Variants in RIMS1 observed in about 807,000 individuals in gnomAD.
RIMS1 encodes regulating synaptic membrane exocytosis 1.
Under a neutral mutation model 214.1 loss-of-function variants are expected in RIMS1, and 83 were observed. The ratio of observed to expected loss-of-function variants is 0.39; its 90% confidence interval spans 0.32 to 0.47. The LOEUF (loss-of-function observed/expected upper bound fraction) is 0.47. Among genes scored for constraint, RIMS1 ranks in the 20% least tolerant of loss-of-function variants. RIMS1 has a pLI of 0.99. For missense variants in RIMS1, 2,050 were observed against 2,161.8 expected (o/e 0.95, Z 1.03); for synonymous variants, 793 against 786.8 (o/e 1.01, Z -0.13).
At chr6:72,076,108 G>C (rs1831787952) in intron 2 of RIMS1, among the ~76,000 whole-genome samples, 1 of 152,128 alleles carries the variant, frequency 6.6e-6, no homozygotes, top group South Asian at 2.1e-4. Context: ...ATTATGACTT[G>C]AGAGGATTTT....
At chr6:72,244,990 A>T (rs2068759011) in intron 10 of RIMS1, among the ~76,000 whole-genome samples, 1 of 151,966 alleles carries the variant, frequency 6.6e-6, no homozygotes, top group African/African-American at 2.4e-5. Flanking sequence ...TCTTAAATTG[A>T]TATTAAAACG....
chr6:72,390,772 C>G, intron 30 of RIMS1, 36 bp downstream of exon 30: 1 of 1,608,030 alleles, frequency 6.2e-7, no homozygotes, highest in Non-Finnish European at 8.5e-7. Flanking sequence ...GGCTGTGGAA[C>G]CAGGAATTGT....
chr6:71,897,163 G>T (rs991873112), intron 1 of RIMS1, among the ~76,000 whole-genome samples: 19 of 152,146 alleles, frequency 1.2e-4, no homozygotes, highest in Middle Eastern at 3.4e-3. Context: ...TAATCTTTTG[G>T]AATCTTTTAA....
chr6:72,322,101 C>G (rs968678364), intron 28 of RIMS1, among the ~76,000 whole-genome samples: 1 of 152,228 alleles, frequency 6.6e-6, no homozygotes, highest in East Asian at 1.9e-4. Flanking sequence ...AAAATAGTTG[C>G]TTACTTGTTC....
intron 28 of RIMS1, among the ~76,000 whole-genome samples, chr6:72,322,498 T>C (rs1000938356): frequency 6.6e-6 from 1 of 152,264 alleles, no homozygotes; most frequent in African/African-American, 2.4e-5. Context: ...TATTACATGG[T>C]CACAGTTCCC....
At chr6:72,005,124 G>A (rs1351620591) in intron 2 of RIMS1, among the ~76,000 whole-genome samples, 1 of 152,120 alleles carries the variant, frequency 6.6e-6, no homozygotes, top group East Asian at 1.9e-4. Context: ...TTATTAAATA[G>A]GGAATCCTTT....
chr6:71,907,822 A>G (rs959014257), intron 1 of RIMS1, among the ~76,000 whole-genome samples: 4 of 152,328 alleles, frequency 2.6e-5, no homozygotes, highest in Non-Finnish European at 5.9e-5. Flanking sequence ...GTGAAACTCT[A>G]GTAAGTTGGA....
chr6:72,062,336 T>C (rs1200161970), intron 2 of RIMS1, among the ~76,000 whole-genome samples: 2 of 152,146 alleles, frequency 1.3e-5, no homozygotes, highest in African/African-American at 4.8e-5. Flanking sequence ...TTGGATCCTA[T>C]GGCTTTTTTT....
chr6:72,167,489 T>C (rs538287399), intron 4 of RIMS1, among the ~76,000 whole-genome samples: 9 of 152,284 alleles, frequency 5.9e-5, no homozygotes, highest in Non-Finnish European at 1.2e-4. Flanking sequence ...TCTTTTTAAA[T>C]AGTAAACTTC....
At chr6:71,936,257 G>A (rs1318058246) in intron 1 of RIMS1, among the ~76,000 whole-genome samples, 1 of 147,600 alleles carries the variant, frequency 6.8e-6, no homozygotes, top group Admixed American at 6.8e-5. Context: ...AACCCGGGAG[G>A]CGGAGCTTGC....
At chr6:72,176,901 T>A (rs2047787209) in intron 4 of RIMS1, among the ~76,000 whole-genome samples, 1 of 152,226 alleles carries the variant, frequency 6.6e-6, no homozygotes, top group East Asian at 1.9e-4. Flanking sequence ...TAATAAATTG[T>A]GTTTCTTTTA....
Position 72,093,288 on chromosome 6 carries a change from A to T in RIMS1, c.246-3661A>T, listed in dbSNP as rs962895456. Among the ~76,000 whole-genome samples, 10 of 150,878 alleles carry T rather than the reference A, an allele frequency of 6.6e-5. 1 individual carries two copies. The highest frequency in any genetic ancestry group is 6.0e-4 in the Admixed American group (9 of 15,042). On this transcript the variant is annotated intron_variant, in intron 2 of 33. Coordinates refer to ENST00000521978, the MANE Select transcript of RIMS1 (RefSeq NM_014989.7). ...TATACACACACATACACACACAAAG[A>T]GAACTCAATAAGATTAACTAGTAAG...
chr6:72,052,750 T>C (rs1264014712), intron 2 of RIMS1, among the ~76,000 whole-genome samples: 1 of 152,248 alleles, frequency 6.6e-6, no homozygotes, highest in Admixed American at 6.5e-5. Flanking sequence ...TTTGCGTATG[T>C]GTTATTCTCT....
intron 4 of RIMS1, among the ~76,000 whole-genome samples, chr6:72,128,794 T>C (rs2040000584): frequency 6.6e-6 from 1 of 152,258 alleles, no homozygotes; most frequent in Non-Finnish European, 1.5e-5. Flanking sequence ...ACTCCTTAAA[T>C]ATGTTTGAAA....
chr6:72,375,779 C>T (rs1276640261), intron 29 of RIMS1, among the ~76,000 whole-genome samples: 1 of 152,170 alleles, frequency 6.6e-6, no homozygotes, highest in Non-Finnish European at 1.5e-5. Flanking sequence ...AAGATATGGC[C>T]TGTAGGGGAT....
intron 28 of RIMS1, among the ~76,000 whole-genome samples, chr6:72,318,373 C>T (rs1277654063): frequency 6.6e-6 from 1 of 151,890 alleles, no homozygotes; most frequent in East Asian, 1.9e-4. Context: ...TTTTTACTGA[C>T]TAGTTTCTCA....
At chr6:72,302,878 C>T (rs1444478196) in intron 26 of RIMS1, among the ~76,000 whole-genome samples, 1 of 150,952 alleles carries the variant, frequency 6.6e-6, no homozygotes, top group East Asian at 1.9e-4. Context: ...AGTCATATTT[C>T]ATCTAATGCT....
intron 2 of RIMS1, among the ~76,000 whole-genome samples, chr6:72,070,610 G>T (rs1830372842): frequency 6.6e-6 from 1 of 152,152 alleles, no homozygotes; most frequent in African/African-American, 2.4e-5. Context: ...TAAAACCTGT[G>T]CTGTACGTAA....
intron 2 of RIMS1, among the ~76,000 whole-genome samples, chr6:72,053,424 A>T (rs984631076): frequency 5.3e-5 from 8 of 152,188 alleles, no homozygotes; most frequent in African/African-American, 1.9e-4. Context: ...TTTACGAGTG[A>T]CCCAATCAGC....
Sources: allele counts gnomAD v4.1 joint callset (sites outside exome capture counted in the v4.1 genomes callset), GRCh38; gene constraint gnomAD v4.1.1; transcripts MANE v1.5; gene names NCBI Gene and HGNC (gene_info 2026-07-23, HGNC 2026-07-21).